ARHGEF4: variants seen among roughly 807,000 people sequenced by gnomAD.
ARHGEF4 encodes the protein Rho guanine nucleotide exchange factor 4.
A neutral mutation model predicts 162.0 loss-of-function variants in ARHGEF4; 119 were observed. The observed-to-expected ratio is 0.73, with a 90% CI of 0.63 to 0.86. The LOEUF is 0.86. Ranked by LOEUF, ARHGEF4 falls within the 40% of genes least tolerant of loss-of-function variation. The pLI is 0.00. For missense variants in ARHGEF4, 2,488 were observed against 2,456.0 expected, an observed-to-expected ratio of 1.01 and a Z score of -0.28; for synonymous variants, 1,014 against 979.9, an observed-to-expected ratio of 1.03 and a Z score of -0.65.
chr2:130,981,168 T>G (rs1480086091), intron 4 of ARHGEF4, among the ~76,000 whole-genome samples: 1 of 152,208 alleles, frequency 6.6e-6, no homozygotes, highest in Admixed American at 6.5e-5. Flanking sequence ...TTCAAATGGC[T>G]GTTGTGCTCC....
In ARHGEF4 at chr2:130,916,399, C is replaced by A; in HGVS notation, c.2453C>A (p.Thr818Asn). 6.5e-7 allele frequency: 1 copy of A among 1,529,182 alleles called. No homozygotes were observed. 94.7% of individuals were successfully genotyped at this position (1,529,182 alleles called of 1,614,324 possible). The change falls in exon 2 of 14, where the codon ACC becomes AAC. Residue 818 changes from threonine to asparagine, a missense_variant. By Grantham distance (65) the Thr-to-Asn change is moderately conservative (BLOSUM62 0). Around this residue, in one of 6 missense-constraint regions of ARHGEF4, gnomAD observed 1,642 missense variants for 1,481.5 expected, o/e 1.11. Transcript: ENST00000409359. Reference protein sequence around the residue: ...TESPGGVPAPTTEGRRWGSSG... With the variant: ...TESPGGVPAPNTEGRRWGSSG... ...AGCCCAGGAGGGGTCCCGGCCCCGACCACCGAGGGTCGCCGCTGGGGCTCT... is the reference window on the plus strand; with the variant it reads ...AGCCCAGGAGGGGTCCCGGCCCCGAACACCGAGGGTCGCCGCTGGGGCTCT...
chr2:130,885,866 G>A (rs142078103), intron 1 of ARHGEF4, among the ~76,000 whole-genome samples: 209 of 151,916 alleles, frequency 1.4e-3, no homozygotes, highest in Middle Eastern at 6.8e-3. Context: ...CACCATGCCC[G>A]GCCTTTTCTT....
At chr2:130,885,594 G>A (rs1679472095) in intron 1 of ARHGEF4, among the ~76,000 whole-genome samples, 1 of 134,388 alleles carries the variant, frequency 7.4e-6, no homozygotes, top group South Asian at 2.4e-4. Context: ...TTTTTAGATG[G>A]AGTCTCCCTC....
chr2:130,986,313 G>A (rs1341528998), intron 4 of ARHGEF4, among the ~76,000 whole-genome samples: 2 of 152,214 alleles, frequency 1.3e-5, no homozygotes, highest in Non-Finnish European at 2.9e-5. Context: ...GCATGTGGCA[G>A]TGTGTTCACA....
intron 1 of ARHGEF4, among the ~76,000 whole-genome samples, chr2:130,898,074 G>GT (rs1400846382): frequency 1.3e-5 from 2 of 152,178 alleles, no homozygotes; most frequent in African/African-American, 4.8e-5. Flanking sequence ...ATTTAAATTT[G>GT]TAAATAGGGA....
chr2:130,957,132 A>G (rs1398100566), intron 4 of ARHGEF4, among the ~76,000 whole-genome samples: 1 of 152,072 alleles, frequency 6.6e-6, no homozygotes, highest in African/African-American at 2.4e-5. Context: ...GCAATTTAAT[A>G]GTTTTTTGTT....
In ARHGEF4 at chr2:130,915,831, G is replaced by A; in HGVS notation, c.1885G>A (p.Gly629Ser). Residue 629 changes from glycine to serine, a missense_variant, in exon 2 of 14, where the codon GGC (glycine) becomes AGC (serine). By Grantham distance (56) the Gly-to-Ser change is moderately conservative (BLOSUM62 0). This residue lies in a region of ARHGEF4 where 1,642 missense variants were observed against 1,481.5 expected (regional missense o/e 1.11). Transcript: ENST00000409359. ...AGGCGGCGAGGCCTCGAGGGGCAGG[G>A]GCGCCCTCATCATTGTAGCTGTGGA... ...KAGGEASRGR[G>S]ALIIVAVEQK... 2 of 1,533,104 alleles carry A rather than the reference G, an allele frequency of 1.3e-6. No individual in the cohort carries two copies. Among genetic ancestry groups the A allele is most frequent in the Admixed American group, 2.0e-5 (1 of 49,396 alleles). 95.0% of individuals were successfully genotyped at this position (1,533,104 alleles called of 1,614,324 possible).
intron 1 of ARHGEF4, among the ~76,000 whole-genome samples, chr2:130,882,028 G>A (rs2104962108): frequency 6.6e-6 from 1 of 152,216 alleles, no homozygotes; most frequent in African/African-American, 2.4e-5. Context: ...AGGACATTGA[G>A]AATGGCCGGA....
intron 4 of ARHGEF4, among the ~76,000 whole-genome samples, chr2:130,986,206 T>G (rs1026613109): frequency 6.6e-6 from 1 of 152,228 alleles, no homozygotes; most frequent in Non-Finnish European, 1.5e-5. Flanking sequence ...TAGGGTGTGT[T>G]GCATGTGTGC....
chr2:130,889,583 C>A (rs951165261), intron 1 of ARHGEF4, among the ~76,000 whole-genome samples: 1 of 151,712 alleles, frequency 6.6e-6, no homozygotes, highest in Non-Finnish European at 1.5e-5. Flanking sequence ...GAGGCCAAGG[C>A]AGGTGAATCA....
chr2:130,998,929 C>G, intron 4 of ARHGEF4, among the ~76,000 whole-genome samples: 1 of 152,144 alleles, frequency 6.6e-6, no homozygotes, highest in East Asian at 1.9e-4. Context: ...TGCATTCCCG[C>G]AAGCCATGGA....
At chr2:130,956,793 G>A (rs982059968) in intron 4 of ARHGEF4, among the ~76,000 whole-genome samples, 1 of 121,534 alleles carries the variant, frequency 8.2e-6, no homozygotes. Flanking sequence ...ACAGGAAGGG[G>A]AACATCACAC....
chr2:130,868,141 C>G (rs550573907), intron 1 of ARHGEF4, among the ~76,000 whole-genome samples: 5 of 151,610 alleles, frequency 3.3e-5, no homozygotes, highest in Admixed American at 3.3e-4. Flanking sequence ...TAGCCAGGAT[C>G]GTCTCGATCT....
At chr2:130,934,335 C>T (rs371530598) in intron 3 of ARHGEF4, among the ~76,000 whole-genome samples, 1 of 152,228 alleles carries the variant, frequency 6.6e-6, no homozygotes, top group African/African-American at 2.4e-5. Context: ...GAAGTGCTCT[C>T]TCCTCTTCTA....
At position 130,953,687 on chromosome 2, in the gene ARHGEF4, A is replaced by C. The variant is rs1326396738; in HGVS notation, c.3985+7052A>C. ...CAAAGGGCTAACATCCAGAATCTGC[A>C]AAGAACTTAAACAAATTTACAAGAA... On this transcript the variant is annotated intron_variant, in intron 4 of 13. Transcript: ENST00000409359. Among the ~76,000 whole-genome samples the C allele has an allele frequency of 9.9e-5, 15 of 152,236 alleles. No homozygotes were observed. The East Asian group carries it at 2.9e-3, about 29-fold the overall frequency.
chr2:131,039,865 C>T (rs556199403), intron 6 of ARHGEF4, 151 bp from the exon 7 acceptor site: 14 of 1,428,242 alleles, frequency 9.8e-6, no homozygotes, highest in Middle Eastern at 2.6e-4. Context: ...GCGTGGGTGG[C>T]GTGGTGGGGG....
rs772513686 is a variant in ARHGEF4 at position 131,045,543 on chromosome 2, C to G, written c.5479+97C>G. On this transcript the variant is annotated intron_variant, in intron 13 of 13. Transcript: ENST00000409359. ...CCACAAAGCCAAGCCAGCTAGCCAC[C>G]AGGCCTGAGGGGGGCCCACTGCCCT... 29 of 1,611,990 alleles carry G rather than the reference C, an allele frequency of 1.8e-5. No individual in the cohort carries two copies. In the Admixed American group the frequency reaches 4.8e-4, roughly 27 times the overall value.
intron 4 of ARHGEF4, among the ~76,000 whole-genome samples, chr2:130,959,086 C>T (rs1684473398): frequency 6.6e-6 from 1 of 151,690 alleles, no homozygotes; most frequent in Non-Finnish European, 1.5e-5. Flanking sequence ...GGACTACAGG[C>T]GCACCCCACC....
chr2:130,846,897 G>T (rs904306550), intron 1 of ARHGEF4, among the ~76,000 whole-genome samples: 23 of 152,138 alleles, frequency 1.5e-4, no homozygotes, highest in Admixed American at 6.5e-5. Context: ...ATGTGACACG[G>T]GTACGTTTAG....
Sources: gnomAD v4.1 joint callset for allele counts (sites outside exome capture counted in the v4.1 genomes callset) on GRCh38, gnomAD v4.1.1 for gene constraint, gnomAD v4.1.1 regional missense constraint, MANE v1.5 for transcripts, NCBI Gene and HGNC (gene_info 2026-07-23, HGNC 2026-07-21) for gene names.